Variants in PHACTR4 observed in about 807,000 individuals in gnomAD.
The protein encoded by PHACTR4 is phosphatase and actin regulator 4, also known as protein phosphatase 1, regulatory subunit 124.
In PHACTR4, 51 loss-of-function variants were observed where a neutral mutation model predicts 72.7. That is an observed-to-expected ratio of 0.70 (90% confidence interval 0.56 to 0.89). PHACTR4 has a LOEUF of 0.89. Among genes scored for constraint, PHACTR4 ranks in the 40% least tolerant of loss-of-function variants. The pLI is 0.00. For synonymous variants in PHACTR4, 255 were observed against 302.5 expected (o/e 0.84, Z 1.63); for missense variants, 731 against 861.8 (o/e 0.85, Z 1.90).
chr1:28,408,185 T>G lies in PHACTR4; in HGVS notation c.16+722T>G, dbSNP rs576799915. On this transcript the variant is annotated intron_variant, in intron 2 of 13. Coordinates refer to ENST00000373839, the MANE Select transcript of PHACTR4 (RefSeq NM_001048183.3). ...TCAGTAACTTATGTATACTTCTCTTTGGTTGGAAATGTAGTTCTGCTCATA... is the reference window on the plus strand; with the variant it reads ...TCAGTAACTTATGTATACTTCTCTTGGGTTGGAAATGTAGTTCTGCTCATA... Among the ~76,000 whole-genome samples the G allele has an allele frequency of 2.6e-5, 4 of 152,360 alleles. No individual in the cohort carries two copies. In the South Asian group the frequency reaches 8.3e-4, roughly 32 times the overall value.
chr1:28,379,032 A>C (rs1009921843), intron 1 of PHACTR4, among the ~76,000 whole-genome samples: 1 of 151,992 alleles, frequency 6.6e-6, no homozygotes, highest in Non-Finnish European at 1.5e-5. Flanking sequence ...GGCTCACTGC[A>C]GCCTCAACTC....
At chr1:28,372,416 A>C (rs1021269531) in intron 1 of PHACTR4, among the ~76,000 whole-genome samples, 2 of 152,118 alleles carry the variant, frequency 1.3e-5, no homozygotes, top group African/African-American at 4.8e-5. Flanking sequence ...ACTCTTGAGA[A>C]TCCTAGATTG....
At chr1:28,385,675 G>A (rs1312485787) in intron 1 of PHACTR4, among the ~76,000 whole-genome samples, 1 of 148,812 alleles carries the variant, frequency 6.7e-6, no homozygotes, top group African/African-American at 2.5e-5. Context: ...GGAGTGCGGT[G>A]GTGCGATTCC....
intron 1 of PHACTR4, among the ~76,000 whole-genome samples, chr1:28,401,680 A>G (rs1021670100): frequency 1.2e-4 from 18 of 151,868 alleles, no homozygotes; most frequent in Admixed American, 1.1e-3. Flanking sequence ...GTCATAGCTC[A>G]CTGTAACCTC....
At chr1:28,393,976 G>A (rs532632317) in intron 1 of PHACTR4, among the ~76,000 whole-genome samples, 13 of 152,084 alleles carry the variant, frequency 8.5e-5, no homozygotes, top group African/African-American at 3.1e-4. Context: ...GACTCCCAAA[G>A]TGCTGTGATT....
Position 28,474,115 on chromosome 1 carries a change from C to G in PHACTR4, c.1385C>G (p.Thr462Ser). ...FSEDSSTLGR[T>S]RSLPITIEML... Reference sequence around the variant, plus strand: ...GAGGACAGCAGTACGCTGGGTCGGACCAGGTCTCTTCCCATCACTATTGAA... The same window carrying G: ...GAGGACAGCAGTACGCTGGGTCGGAGCAGGTCTCTTCCCATCACTATTGAA... The change falls in exon 7 of 14, where the codon ACC (threonine) becomes AGC (serine). Residue 462 changes from threonine (T) to serine (S), a missense_variant. Thr to Ser is a moderately conservative substitution (Grantham distance 58). Transcript: ENST00000373839. 6.2e-7 allele frequency: 1 copy of G among 1,613,842 alleles called. No homozygotes were observed. Among genetic ancestry groups the G allele is most frequent in the Non-Finnish European group, 8.5e-7 (1 of 1,179,860 alleles).
At chr1:28,469,254 A>G (rs575623191) in intron 6 of PHACTR4, among the ~76,000 whole-genome samples, 10 of 152,186 alleles carry the variant, frequency 6.6e-5, no homozygotes, top group African/African-American at 2.2e-4. Flanking sequence ...AAAACACTAG[A>G]AAAAAAACCA....
chr1:28,473,275 CAAAAAAA>C (rs759485996), intron 6 of PHACTR4, among the ~76,000 whole-genome samples: 1 of 82,268 alleles, frequency 1.2e-5, no homozygotes, highest in Non-Finnish European at 2.4e-5. Context: ...GACCCTGTCT[CAAAAAAA>C]AAAAAAAAAA....
intron 1 of PHACTR4, among the ~76,000 whole-genome samples, chr1:28,406,584 G>T (rs1377145123): frequency 6.6e-6 from 1 of 152,094 alleles, no homozygotes; most frequent in East Asian, 1.9e-4. Flanking sequence ...ACTGCGCCCG[G>T]CCCTACAACT....
intron 6 of PHACTR4, among the ~76,000 whole-genome samples, chr1:28,468,249 A>G (rs757023199): frequency 3.9e-5 from 6 of 152,162 alleles, no homozygotes; most frequent in Non-Finnish European, 7.4e-5. Flanking sequence ...AACCAATTTT[A>G]TCTTTTCCAT....
chr1:28,376,257 G>A (rs1194086381), intron 1 of PHACTR4, among the ~76,000 whole-genome samples: 1 of 150,236 alleles, frequency 6.7e-6, no homozygotes, highest in Non-Finnish European at 1.5e-5. Flanking sequence ...AGGTTGCAAT[G>A]AGCCAAGATT....
At chr1:28,456,466 G>A (rs1658393763) in intron 2 of PHACTR4, among the ~76,000 whole-genome samples, 3 of 152,088 alleles carry the variant, frequency 2.0e-5, no homozygotes, top group Admixed American at 6.6e-5. Flanking sequence ...AGATTTGAGC[G>A]GGACACATAT....
rs557958697 is a variant in PHACTR4 at position 28,389,477 on chromosome 1, CTT to C, written c.-38-17915_-38-17914del. Among the ~76,000 whole-genome samples, 231 of 129,768 alleles carry C rather than the reference CTT, an allele frequency of 1.8e-3. 1 individual carries two copies. The highest frequency in any genetic ancestry group is 5.3e-3 in the African/African-American group (178 of 33,392). 85.1% of individuals were successfully genotyped at this position (129,768 alleles called of 152,430 possible). A position where few individuals can be genotyped will look rare whatever the true frequency, so the allele number is the denominator to read the frequency against. Reference sequence around the variant, plus strand: ...GGTGGAAATGTAAATTTGTATACTACTTTTTTTTTTTTTTTTTTTGAGACACA... The same window carrying C: ...GGTGGAAATGTAAATTTGTATACTACTTTTTTTTTTTTTTTTTGAGACACA... On this transcript the variant is annotated intron_variant, in intron 1 of 13. Transcript: ENST00000373839.
At chr1:28,438,531 A>G in intron 2 of PHACTR4, 1 of 1,258,934 alleles carries the variant, frequency 7.9e-7, no homozygotes, top group South Asian at 1.4e-5. Context: ...GAGAATGTTG[A>G]TGATCCCAAC....
chr1:28,474,006 A>G lies in PHACTR4; in HGVS notation c.1276A>G (p.Thr426Ala), dbSNP rs761338498. The change falls in exon 7 of 14, where the codon ACC becomes GCC. Residue 426 changes from threonine (T) to alanine (A), a missense_variant. Coordinates refer to ENST00000373839, the MANE Select transcript of PHACTR4 (RefSeq NM_001048183.3). ...GCATATTCGAATCCAGCAGGCCCTCACCAGCCCACTTCCCATGACTCCTAT... is the reference window on the plus strand; with the variant it reads ...GCATATTCGAATCCAGCAGGCCCTCGCCAGCCCACTTCCCATGACTCCTAT... ...PLHIRIQQAL[T>A]SPLPMTPILE... The G allele has an allele frequency of 6.2e-7, 1 of 1,614,090 alleles. No individual in the cohort carries two copies. The highest frequency in any genetic ancestry group is 8.5e-7 in the Non-Finnish European group (1 of 1,179,996).
At chr1:28,447,174 G>A (rs1290413266) in intron 2 of PHACTR4, among the ~76,000 whole-genome samples, 1 of 151,770 alleles carries the variant, frequency 6.6e-6, no homozygotes, top group Non-Finnish European at 1.5e-5. Flanking sequence ...ACCAAGCCTG[G>A]CTACTTTTTG....
intron 2 of PHACTR4, among the ~76,000 whole-genome samples, chr1:28,430,752 A>C (rs1196228172): frequency 1.3e-5 from 2 of 152,208 alleles, no homozygotes; most frequent in African/African-American, 4.8e-5. Context: ...TGCTGAATTA[A>C]GCTGAGGGAG....
chr1:28,444,608 T>A (rs924208684), intron 2 of PHACTR4, among the ~76,000 whole-genome samples: 2 of 150,724 alleles, frequency 1.3e-5, no homozygotes, highest in Non-Finnish European at 3.0e-5. Flanking sequence ...TTATTTATTT[T>A]TTTATTTTTA....
chr1:28,438,302 CTTTATGTGGA>C, intron 2 of PHACTR4: 1 of 1,565,492 alleles, frequency 6.4e-7, no homozygotes, highest in Non-Finnish European at 8.7e-7. Flanking sequence ...CATGTCCCCT[CTTTATGTGGA>C]TTTATCTTTT....
Sources: allele counts gnomAD v4.1 joint callset (sites outside exome capture counted in the v4.1 genomes callset), GRCh38; gene constraint gnomAD v4.1.1; transcripts MANE v1.5; gene names NCBI Gene and HGNC (gene_info 2026-07-23, HGNC 2026-07-21).